Variants in KIAA0232 observed in about 807,000 individuals in gnomAD.
KIAA0232 encodes KIAA0232, also known as uncharacterized protein KIAA0232.
A neutral mutation model predicts 122.0 loss-of-function variants in KIAA0232; 27 were observed. The ratio of observed to expected loss-of-function variants is 0.22; its 90% CI spans 0.16 to 0.31. The LOEUF (loss-of-function observed/expected upper bound fraction) is 0.31. Ranked by LOEUF, KIAA0232 falls within the 10% of genes least tolerant of loss-of-function variation. KIAA0232 has a pLI of 1.00. For synonymous variants in KIAA0232, 613 were observed against 587.6 expected (o/e 1.04, Z -0.63); for missense variants, 1,551 against 1,634.2 (o/e 0.95, Z 0.88).
rs892710386 is a variant in KIAA0232 at position 6,871,657 on chromosome 4, T to A, written c.3885T>A (p.Pro1295=). The change falls in exon 8 of 10, where the codon CCT becomes CCA. Residue 1295 remains proline (P), a synonymous_variant. Transcript: ENST00000307659. ...QTWWEKALYS[P]LFPASECEEC... ...GGTGGGAAAAAGCCTTGTACTCTCC[T>A]CTTTTTCCTGCATCAGAGTGTGAAG... 6.2e-7 allele frequency: 1 copy of A among 1,608,626 alleles called. No homozygotes were observed. The highest frequency in any genetic ancestry group is 1.3e-5 in the African/African-American group (1 of 74,820).
chr4:6,841,219 C>A (rs1719644082), intron 3 of KIAA0232, among the ~76,000 whole-genome samples: 1 of 152,124 alleles, frequency 6.6e-6, no homozygotes. Flanking sequence ...AATCTCCATC[C>A]CCACACAAAT....
chr4:6,835,662 C>T (rs1290384265), intron 3 of KIAA0232, among the ~76,000 whole-genome samples: 2 of 152,190 alleles, frequency 1.3e-5, no homozygotes, highest in Non-Finnish European at 2.9e-5. Context: ...TGTTCCCCTC[C>T]CTGTGTCCAT....
intron 4 of KIAA0232, among the ~76,000 whole-genome samples, chr4:6,845,183 C>G (rs566622086): frequency 6.6e-6 from 1 of 152,276 alleles, no homozygotes; most frequent in African/African-American, 2.4e-5. Flanking sequence ...TGGGCTTGAG[C>G]CAGGTGATTG....
At chr4:6,865,193 A>T (rs183059155) in intron 7 of KIAA0232, among the ~76,000 whole-genome samples, 5 of 152,180 alleles carry the variant, frequency 3.3e-5, no homozygotes, top group Middle Eastern at 6.8e-3. Flanking sequence ...CACTTAAGAC[A>T]ATAAACTGTT....
intron 1 of KIAA0232, among the ~76,000 whole-genome samples, chr4:6,790,841 G>C (rs1577352103): frequency 6.6e-6 from 1 of 150,796 alleles, no homozygotes; most frequent in Non-Finnish European, 1.5e-5. Context: ...TACCATCATA[G>C]ATAATTGAGT....
chr4:6,873,162 A>G (rs990291569), intron 8 of KIAA0232, among the ~76,000 whole-genome samples: 6 of 152,164 alleles, frequency 3.9e-5, no homozygotes, highest in African/African-American at 1.4e-4. Flanking sequence ...GAACCTTAGG[A>G]GATGCCCCCC....
chr4:6,789,389 T>C (rs914854348), intron 1 of KIAA0232, among the ~76,000 whole-genome samples: 2 of 151,894 alleles, frequency 1.3e-5, no homozygotes, highest in African/African-American at 2.4e-5. Flanking sequence ...TTCTCCTGCC[T>C]CAGACTCCCC....
In KIAA0232 at chr4:6,863,010, G is replaced by A; in HGVS notation, c.2628G>A (p.Lys876=). ...TGGAGACCCTTCAGGAGCCTGATAA[G>A]GCTGTGCGGAGGTCAGAGTACCATC... ...AELETLQEPD[K]AVRRSEYHLW... The change falls in exon 7 of 10, where the codon AAG becomes AAA. Residue 876 remains lysine, a synonymous_variant. Transcript: ENST00000307659. The A allele has an allele frequency of 6.2e-7, 1 of 1,614,218 alleles. No individual in the cohort carries two copies. The highest frequency in any genetic ancestry group is 1.1e-5 in the South Asian group (1 of 91,088).
chr4:6,831,886 C>G (rs1719003855), intron 3 of KIAA0232, among the ~76,000 whole-genome samples: 1 of 152,216 alleles, frequency 6.6e-6, no homozygotes, highest in Non-Finnish European at 1.5e-5. Flanking sequence ...TTTTCTCAGC[C>G]TCTTGTCCCG....
At chr4:6,794,439 A>G (rs911098772) in intron 1 of KIAA0232, among the ~76,000 whole-genome samples, 3 of 152,208 alleles carry the variant, frequency 2.0e-5, no homozygotes, top group Non-Finnish European at 4.4e-5. Flanking sequence ...GGGCACCTTC[A>G]TAGTGGCTGC....
In KIAA0232 at chr4:6,876,666, A is replaced by C; in HGVS notation, c.3917A>C (p.Tyr1306Ser). 1 of 1,605,318 alleles carries C rather than the reference A, an allele frequency of 6.2e-7. No homozygotes were observed. Among genetic ancestry groups the C allele is most frequent in the Non-Finnish European group, 8.5e-7 (1 of 1,172,060 alleles). Residue 1306 changes from tyrosine to serine, a missense_variant, in exon 9 of 10, where the codon TAC (tyrosine) becomes TCC (serine). Transcript: ENST00000307659. ...LFPASECEEC[Y>S]TNAKGESGLE... The stretch of plus-strand genomic sequence containing the variant: ...TCCATTCCAAATGATTAAGAATGTT[A>C]CACAAATGCCAAGGGAGAGAGTGGT...
chr4:6,800,043 CTTTTTTTTTTTTTTTT>C (rs752428517), intron 1 of KIAA0232, among the ~76,000 whole-genome samples: 33 of 60,036 alleles, frequency 5.5e-4, no homozygotes, highest in Non-Finnish European at 6.8e-4. Flanking sequence ...TTCTTTCTTT[CTTTTTTTTTTTTTTTT>C]TTTTTTTTTT....
At chr4:6,877,097 T>G (rs1462740867) in intron 9 of KIAA0232, among the ~76,000 whole-genome samples, 4 of 152,138 alleles carry the variant, frequency 2.6e-5, no homozygotes, top group Non-Finnish European at 4.4e-5. Flanking sequence ...CTTTTTTTTT[T>G]TTGTTTACCT....
intron 6 of KIAA0232, among the ~76,000 whole-genome samples, chr4:6,860,312 GC>G (rs2108794378): frequency 6.6e-6 from 1 of 152,270 alleles, no homozygotes; most frequent in East Asian, 1.9e-4. Flanking sequence ...TAAGTAACAT[GC>G]CTAAGGTCAC....
intron 2 of KIAA0232, among the ~76,000 whole-genome samples, chr4:6,806,737 CAAAAAAAAAAAA>C (rs34146483): frequency 0.028 from 1,352 of 47,816 alleles, 44 homozygotes; most frequent in African/African-American, 0.1. Flanking sequence ...GACTCCCTCT[CAAAAAAAAAAAA>C]AAAAAAAAAA....
intron 2 of KIAA0232, among the ~76,000 whole-genome samples, chr4:6,813,485 C>T (rs1350895428): frequency 1.3e-5 from 2 of 151,986 alleles, no homozygotes; most frequent in Non-Finnish European, 1.5e-5. Context: ...GCCTCAGCCT[C>T]CCGAGTAGCT....
In KIAA0232 at chr4:6,862,744, C is replaced by G. The variant is rs766121827; in HGVS notation, c.2362C>G (p.Leu788Val). 6.2e-7 allele frequency: 1 copy of G among 1,612,706 alleles called. No individual in the cohort carries two copies. Among genetic ancestry groups the G allele is most frequent in the South Asian group, 1.1e-5 (1 of 90,606 alleles). The change falls in exon 7 of 10, where the codon CTA (leucine) becomes GTA (valine). Residue 788 changes from leucine to valine, a missense_variant. Physicochemically the swap from Leu to Val is conservative, Grantham distance 32. Around this residue, in one of 5 missense-constraint regions of KIAA0232, gnomAD observed 1,108 missense variants for 1,154.8 expected, o/e 0.96. Transcript: ENST00000307659. ...PTLVFKKTSK[L>V]ESVCGIQLEQ... ...ATTAGTTTTCAAAAAAACATCTAAA[C>G]TAGAATCCGTCTGTGGTATTCAGCT...
rs889455535 is a variant in KIAA0232 at position 6,862,352 on chromosome 4, A to G, written c.1970A>G (p.Asn657Ser). Residue 657 changes from asparagine (N) to serine (S), a missense_variant, in exon 7 of 10, where the codon AAT (asparagine) becomes AGT (serine). By Grantham distance (46) the Asn-to-Ser change is conservative. Around this residue, in one of 5 missense-constraint regions of KIAA0232, gnomAD observed 1,108 missense variants for 1,154.8 expected, o/e 0.96. Coordinates refer to ENST00000307659, the MANE Select transcript of KIAA0232 (RefSeq NM_014743.3). ...CFSVFEVQCS[N>S]SVLPFSFETL... The stretch of plus-strand genomic sequence containing the variant: ...TCAGTGTTTGAAGTGCAATGCAGTA[A>G]TTCTGTTTTACCATTTTCTTTTGAA... The G allele has an allele frequency of 6.2e-7, 1 of 1,614,174 alleles. No individual in the cohort carries two copies.
rs560908356 is a variant in KIAA0232 at position 6,878,624 on chromosome 4, C to T, written c.4008+1867C>T. 5.3e-5 allele frequency among the ~76,000 whole-genome samples: 8 copies of T among 152,254 alleles called. No homozygotes were observed. In the South Asian group the frequency reaches 1.7e-3, roughly 32 times the overall value. On this transcript the variant is annotated intron_variant, in intron 9 of 9. Transcript: ENST00000307659. ...TTCTTCTACTACCCATTCTGTATTC[C>T]CTTTGCCTTCAGCAAGCACCTCAGC...
Sources: allele counts gnomAD v4.1 joint callset (sites outside exome capture counted in the v4.1 genomes callset), GRCh38; gene constraint gnomAD v4.1.1; regional missense constraint gnomAD v4.1.1; transcripts MANE v1.5; gene names NCBI Gene and HGNC (gene_info 2026-07-23, HGNC 2026-07-21).